The following SCYL3 variants were observed in gnomAD, a reference collection of about 807,000 sequenced individuals.
SCYL3 encodes the protein protein-associating with the carboxyl-terminal domain of ezrin.
SCYL3 carries 35 observed loss-of-function variants against 73.8 expected under a neutral mutation model. The ratio of observed to expected loss-of-function variants is 0.47; its 90% CI spans 0.36 to 0.63. The LOEUF (loss-of-function observed/expected upper bound fraction) is 0.63, where lower values mean the gene tolerates loss of function less well. SCYL3 is among the 20% of genes least tolerant of loss of function. The pLI, the probability that SCYL3 is intolerant of heterozygous loss-of-function variation, is 0.00. For synonymous variants in SCYL3, 277 were observed against 295.2 expected, an observed-to-expected ratio of 0.94 and a Z score of 0.63; for missense variants, 712 against 798.9, an observed-to-expected ratio of 0.89 and a Z score of 1.31.
chr1:169,886,419 T>G (rs1182913553), intron 2 of SCYL3, among the ~76,000 whole-genome samples: 1 of 152,206 alleles, frequency 6.6e-6, no homozygotes, highest in Admixed American at 6.5e-5. Flanking sequence ...CCACACAATG[T>G]GCATTCTTAA....
Position 169,851,355 on chromosome 1 carries a change from A to G in SCYL3, c.*2358T>C, listed in dbSNP as rs541416445. ...GGGCCCACTTGACTCACTGAACTTT[A>G]TTTTTTAGACAGAGTCTCGCTCTGT... On this transcript the variant is annotated 3_prime_UTR_variant, in exon 13 of 13. Coordinates refer to ENST00000367771, the MANE Select transcript of SCYL3 (RefSeq NM_020423.7). The G allele has an allele frequency of 6.6e-6, 1 of 152,628 alleles. No homozygotes were observed. Among genetic ancestry groups the G allele is most frequent in the East Asian group, 1.9e-4 (1 of 5,174 alleles). 9.5% of individuals were successfully genotyped at this position (152,628 alleles called of 1,614,324 possible). A position where few individuals can be genotyped will look rare whatever the true frequency, so the allele number is the denominator to read the frequency against.
In SCYL3 at chr1:169,859,229, T is replaced by A; in HGVS notation, c.1141-17A>T. ...CAGCAAAACCTAGGAGCAAATGAGG[T>A]AATAAGGGTTGACAACCACAATACC... On this transcript the variant is annotated splice_polypyrimidine_tract_variant and intron_variant, in intron 10 of 12. Coordinates refer to ENST00000367771, the MANE Select transcript of SCYL3 (RefSeq NM_020423.7). The A allele has an allele frequency of 6.3e-7, 1 of 1,599,432 alleles. No homozygotes were observed. Among genetic ancestry groups the A allele is most frequent in the Non-Finnish European group, 8.5e-7 (1 of 1,173,326 alleles).
At chr1:169,864,969 C>CAA (rs3062290) in intron 8 of SCYL3, among the ~76,000 whole-genome samples, 8,811 of 132,530 alleles carry the variant, frequency 0.066, 359 homozygotes, top group Non-Finnish European at 0.099. Flanking sequence ...GATTCTGTCT[C>CAA]AAAAAAAAAA....
intron 8 of SCYL3, among the ~76,000 whole-genome samples, chr1:169,865,195 T>A (rs554286494): frequency 7.9e-5 from 12 of 152,180 alleles, no homozygotes; most frequent in African/African-American, 2.9e-4. Context: ...TTTGTCACTA[T>A]CCCCATAAAT....
At position 169,862,669 on chromosome 1, in the gene SCYL3, C is replaced by T. The variant is rs781641257; in HGVS notation, c.1084G>A (p.Glu362Lys). ...TGAGTGAAGTGCTCCACGTAGGCCT[C>T]GATGTGAGACAGCAGCACCATCCGC... ...HVRMVLLSHIEAYVEHFTQEQ... is the reference protein window; with the variant it reads ...HVRMVLLSHIKAYVEHFTQEQ... The change falls in exon 10 of 13, where the codon GAG becomes AAG. Residue 362 changes from glutamate (E) to lysine (K), a missense_variant. Glu to Lys is a moderately conservative substitution (Grantham distance 56, BLOSUM62 1). This residue lies in a region of SCYL3 where 342 missense variants were observed against 448.1 expected (regional missense o/e 0.76). Transcript: ENST00000367771. 1.9e-5 allele frequency: 31 copies of T among 1,613,996 alleles called. No homozygotes were observed. Among genetic ancestry groups the T allele is most frequent in the South Asian group, 8.8e-5 (8 of 91,078 alleles).
chr1:169,878,706 T>TTC lies in SCYL3; in HGVS notation c.277_278dup (p.Thr94LysfsTer28), dbSNP rs1252173131. On this transcript the variant is annotated frameshift_variant, in exon 3 of 13. Transcript: ENST00000367771. LOFTEE classifies it high-confidence loss of function. ...CACAGACCTCTGCAGAAGACAATGT[T>TTC]TCCAAAGCCACTTCCAGGGGCTGTA... 6.2e-7 allele frequency: 1 copy of TTC among 1,613,938 alleles called. No homozygotes were observed. The highest frequency in any genetic ancestry group is 1.3e-5 in the African/African-American group (1 of 74,910).
At position 169,849,819 on chromosome 1, in the gene SCYL3, C is replaced by T; in HGVS notation, c.*3894G>A. On this transcript the variant is annotated 3_prime_UTR_variant, in exon 13 of 13. Coordinates refer to ENST00000367771, the MANE Select transcript of SCYL3 (RefSeq NM_020423.7). ...TAAGGTCCTCTGAATAAACAAGGAC[C>T]AGAACAGGCATACACAGCAGGCCTA... is the stretch of plus-strand genomic sequence containing the variant. 1.8e-6 allele frequency: 1 copy of T among 550,918 alleles called. No individual in the cohort carries two copies. The highest frequency in any genetic ancestry group is 3.2e-6 in the Non-Finnish European group (1 of 307,778). The allele number at this position is 550,918 out of a possible 1,614,324, so 34.1% of individuals were successfully genotyped here.
intron 2 of SCYL3, among the ~76,000 whole-genome samples, chr1:169,883,485 G>A (rs1661451667): frequency 6.6e-6 from 1 of 152,148 alleles, no homozygotes; most frequent in Admixed American, 6.5e-5. Context: ...AGATTGGGAG[G>A]AGAGTGATGA....
chr1:169,866,419 T>C (rs920110198), intron 8 of SCYL3, among the ~76,000 whole-genome samples: 8 of 152,252 alleles, frequency 5.3e-5, no homozygotes, highest in Non-Finnish European at 7.3e-5. Flanking sequence ...ATCTCTTTGA[T>C]GGCTTCAATG....
chr1:169,864,910 C>T (rs1403516857), intron 8 of SCYL3, among the ~76,000 whole-genome samples: 1 of 149,954 alleles, frequency 6.7e-6, no homozygotes, highest in Non-Finnish European at 1.5e-5. Flanking sequence ...GCAGAGGTTG[C>T]AGTGAGCTGA....
intron 3 of SCYL3, among the ~76,000 whole-genome samples, chr1:169,876,622 T>C (rs1325079402): frequency 6.6e-6 from 1 of 152,048 alleles, no homozygotes; most frequent in Non-Finnish European, 1.5e-5. Context: ...AAATTCTGCC[T>C]GAAGAAGAGG....
In SCYL3 at chr1:169,867,759, C is replaced by T. The variant is rs188842831; in HGVS notation, c.738-786G>A. On this transcript the variant is annotated intron_variant, in intron 7 of 12. Transcript: ENST00000367771. ...CCTGGCTCCTACTGTTGTCTCTTAA[C>T]TGGGGTTTCTCCCCACATTAACAGT... 3.6e-3 allele frequency among the ~76,000 whole-genome samples: 552 copies of T among 152,316 alleles called. 4 individuals are homozygous for T. The highest frequency in any genetic ancestry group is 0.013 in the African/African-American group (538 of 41,546).
intron 2 of SCYL3, among the ~76,000 whole-genome samples, chr1:169,884,224 A>C (rs1259913127): frequency 6.6e-6 from 1 of 152,224 alleles, no homozygotes; most frequent in Non-Finnish European, 1.5e-5. Flanking sequence ...CAGATAAACC[A>C]AAAATTGTGT....
chr1:169,854,921 G>C lies in SCYL3; in HGVS notation c.1356C>G (p.Leu452=), dbSNP rs772151692. 1.2e-6 allele frequency: 2 copies of C among 1,612,558 alleles called. No individual in the cohort carries two copies. Among genetic ancestry groups the C allele is most frequent in the Non-Finnish European group, 1.7e-6 (2 of 1,179,442 alleles). Residue 452 remains leucine, a synonymous_variant, in exon 12 of 13, where the codon CTC becomes CTG. Transcript: ENST00000367771. ...CCTCCGAAGTATTTTTTACATCTGAGAGTCCATTTATGGGAAATTTAATAG... is the reference window on the plus strand; with the variant it reads ...CCTCCGAAGTATTTTTTACATCTGACAGTCCATTTATGGGAAATTTAATAG... ...SQPIKFPING[L]SDVKNTSEDS... is the part of the protein sequence containing the mutation.
intron 1 of SCYL3, among the ~76,000 whole-genome samples, chr1:169,889,618 A>G (rs1234658270): frequency 6.6e-6 from 1 of 152,198 alleles, no homozygotes; most frequent in African/African-American, 2.4e-5. Flanking sequence ...CCACACATAC[A>G]CAGAATTCAA....
intron 1 of SCYL3, among the ~76,000 whole-genome samples, chr1:169,892,733 A>C (rs1662170513): frequency 6.6e-6 from 1 of 152,112 alleles, no homozygotes; most frequent in Non-Finnish European, 1.5e-5. Flanking sequence ...CAGCACATAA[A>C]ATTTCTGGAC....
Position 169,852,862 on chromosome 1 carries a change from G to C in SCYL3, c.*851C>G. The C allele has an allele frequency of 6.2e-7, 1 of 1,614,150 alleles. No homozygotes were observed. The highest frequency in any genetic ancestry group is 1.7e-5 in the Admixed American group (1 of 60,020). On this transcript the variant is annotated 3_prime_UTR_variant, in exon 13 of 13. Transcript: ENST00000367771. ...CAGGTCAGCGCTGCATACAATAGCA[G>C]GGGCTTTGGAAGCAACTGAGTCACT...
At chr1:169,890,771 T>C (rs1008443197) in intron 1 of SCYL3, among the ~76,000 whole-genome samples, 3 of 152,236 alleles carry the variant, frequency 2.0e-5, no homozygotes, top group Admixed American at 2.0e-4. Flanking sequence ...TTCTTAAAAA[T>C]GACAGAGAAG....
At chr1:169,881,615 C>G (rs905491795) in intron 2 of SCYL3, among the ~76,000 whole-genome samples, 1 of 152,170 alleles carries the variant, frequency 6.6e-6, no homozygotes, top group Admixed American at 6.5e-5. Flanking sequence ...TTCCTGGCCT[C>G]TGGTAACCAC....
Sources: allele counts gnomAD v4.1 joint callset (sites outside exome capture counted in the v4.1 genomes callset), GRCh38; gene constraint gnomAD v4.1.1; regional missense constraint gnomAD v4.1.1; transcripts MANE v1.5; gene names NCBI Gene and HGNC (gene_info 2026-07-23, HGNC 2026-07-21).